Variants in DAP observed in about 807,000 individuals in gnomAD.
DAP encodes the protein death-associated protein 1.
A neutral mutation model predicts 13.8 loss-of-function variants in DAP; 8 were observed. The observed-to-expected ratio is 0.58, with a 90% CI of 0.34 to 1.05. The LOEUF (loss-of-function observed/expected upper bound fraction) is 1.05. Ranked by LOEUF, DAP falls within the 50% of genes least tolerant of loss-of-function variation. The pLI is 0.03. For synonymous variants in DAP, 47 were observed against 47.5 expected, an observed-to-expected ratio of 0.99 and a Z score of 0.04; for missense variants, 106 against 133.2, an observed-to-expected ratio of 0.80 and a Z score of 1.01.
intron 2 of DAP, among the ~76,000 whole-genome samples, chr5:10,700,957 A>G (rs1461913978): frequency 6.6e-6 from 1 of 152,266 alleles, no homozygotes; most frequent in African/African-American, 2.4e-5. Context: ...AATCTGGGCC[A>G]TGGGGCCCCT....
chr5:10,718,034 G>A (rs1436065596), intron 2 of DAP, among the ~76,000 whole-genome samples: 3 of 152,164 alleles, frequency 2.0e-5, no homozygotes, highest in Admixed American at 1.3e-4. Context: ...CCTTGAGGAA[G>A]GACCCTACTA....
chr5:10,709,353 TCA>T (rs888636133), intron 2 of DAP, among the ~76,000 whole-genome samples: 7 of 152,196 alleles, frequency 4.6e-5, no homozygotes, highest in Non-Finnish European at 8.8e-5. Context: ...GCCGTGGAGC[TCA>T]CACAGTGTGA....
At chr5:10,715,056 G>C (rs1738947970) in intron 2 of DAP, among the ~76,000 whole-genome samples, 1 of 152,172 alleles carries the variant, frequency 6.6e-6, no homozygotes. Context: ...CGAATATACA[G>C]ATATGCACGC....
chr5:10,748,097 G>T, intron 2 of DAP, 78 bp downstream of exon 2: 2 of 1,025,088 alleles, frequency 2.0e-6, no homozygotes, highest in South Asian at 1.3e-5. Context: ...CAGAATCATA[G>T]AACAGAGAAC....
intron 2 of DAP, among the ~76,000 whole-genome samples, chr5:10,728,247 G>A (rs1196039349): frequency 6.6e-6 from 1 of 151,964 alleles, no homozygotes; most frequent in Non-Finnish European, 1.5e-5. Flanking sequence ...AGAATTATTT[G>A]TTCATCTTCT....
At chr5:10,681,888 A>G (rs1282332475) in intron 3 of DAP, among the ~76,000 whole-genome samples, 2,654 of 89,924 alleles carry the variant, frequency 0.03, no homozygotes, top group Middle Eastern at 0.078. Flanking sequence ...GAAGCCCCAG[A>G]CCAGCGCCCA....
intron 1 of DAP, among the ~76,000 whole-genome samples, chr5:10,755,356 T>TG (rs1191151927): frequency 3.3e-5 from 5 of 152,230 alleles, no homozygotes; most frequent in African/African-American, 1.2e-4. Context: ...AGACCCATCT[T>TG]GGACTTCTCA....
chr5:10,752,884 A>G (rs759742591), intron 1 of DAP, among the ~76,000 whole-genome samples: 5 of 152,216 alleles, frequency 3.3e-5, no homozygotes, highest in Non-Finnish European at 7.3e-5. Context: ...ACTGTTAGCT[A>G]GTCTTATTAA....
chr5:10,706,830 C>G (rs540770307), intron 2 of DAP, among the ~76,000 whole-genome samples: 10 of 152,212 alleles, frequency 6.6e-5, no homozygotes, highest in Middle Eastern at 3.4e-3. Flanking sequence ...GCACTGCCCT[C>G]GAGAAAAGGG....
At chr5:10,713,426 G>A (rs1463990572) in intron 2 of DAP, among the ~76,000 whole-genome samples, 9 of 152,188 alleles carry the variant, frequency 5.9e-5, no homozygotes, top group Non-Finnish European at 1.3e-4. Flanking sequence ...AGCCCAGGAG[G>A]AGCAGGGAAT....
In DAP at chr5:10,740,859, T is replaced by C. The variant is rs528547799; in HGVS notation, c.152+7316A>G. Among the ~76,000 whole-genome samples the C allele has an allele frequency of 2.6e-5, 4 of 152,322 alleles. No individual in the cohort carries two copies. In the East Asian group the frequency reaches 7.7e-4, roughly 29 times the overall value. Reference sequence around the variant, plus strand: ...GACACCAGACAGAATGAACATTAGATGTGCATAATGAATCTTTAAAAGATA... The same window carrying C: ...GACACCAGACAGAATGAACATTAGACGTGCATAATGAATCTTTAAAAGATA... On this transcript the variant is annotated intron_variant, in intron 2 of 3. Transcript: ENST00000230895.
At chr5:10,723,546 G>C (rs1739211408) in intron 2 of DAP, among the ~76,000 whole-genome samples, 1 of 152,232 alleles carries the variant, frequency 6.6e-6, no homozygotes, top group Non-Finnish European at 1.5e-5. Flanking sequence ...AGAAATAGCA[G>C]AGAAGGGATG....
chr5:10,720,523 G>A (rs190374610), intron 2 of DAP, among the ~76,000 whole-genome samples: 60 of 152,266 alleles, frequency 3.9e-4, no homozygotes, highest in Middle Eastern at 6.8e-3. Flanking sequence ...GCGATGACCC[G>A]TTCTGTGGAC....
intron 2 of DAP, 134 bp from the exon 3 acceptor site, chr5:10,683,705 C>A (rs116899579): frequency 2.4e-5 from 19 of 790,762 alleles, no homozygotes; most frequent in Middle Eastern, 2.3e-4. Context: ...CTCTCCTCTG[C>A]GTTATTTGTT....
At chr5:10,737,660 G>A (rs1044898608) in intron 2 of DAP, among the ~76,000 whole-genome samples, 3 of 152,206 alleles carry the variant, frequency 2.0e-5, no homozygotes, top group African/African-American at 7.2e-5. Context: ...TCTTTTAACT[G>A]AAGTTTTAAA....
intron 2 of DAP, among the ~76,000 whole-genome samples, chr5:10,716,876 G>C (rs1164672470): frequency 6.6e-6 from 1 of 152,214 alleles, no homozygotes; most frequent in African/African-American, 2.4e-5. Context: ...GAATATTAAG[G>C]ATGGAGTTCT....
At chr5:10,718,987 A>C (rs1739064700) in intron 2 of DAP, among the ~76,000 whole-genome samples, 1 of 152,246 alleles carries the variant, frequency 6.6e-6, no homozygotes, top group Admixed American at 6.5e-5. Flanking sequence ...GGAAGTAGCA[A>C]ACATATTGGA....
chr5:10,703,432 G>C (rs933410659), intron 2 of DAP, among the ~76,000 whole-genome samples: 1 of 152,100 alleles, frequency 6.6e-6, no homozygotes, highest in African/African-American at 2.4e-5. Flanking sequence ...ACTCGCATGT[G>C]GGCAGGTCTT....
chr5:10,697,678 T>C, intron 2 of DAP, among the ~76,000 whole-genome samples: 1 of 152,102 alleles, frequency 6.6e-6, no homozygotes, highest in Non-Finnish European at 1.5e-5. Context: ...AGGAAAATGA[T>C]CATGTAGGTA....
Sources: gnomAD v4.1 joint callset for allele counts (sites outside exome capture counted in the v4.1 genomes callset) on GRCh38, gnomAD v4.1.1 for gene constraint, MANE v1.5 for transcripts, NCBI Gene and HGNC (gene_info 2026-07-23, HGNC 2026-07-21) for gene names.